Variants in SGCZ observed in about 807,000 individuals in gnomAD.
SGCZ encodes sarcoglycan zeta.
A neutral mutation model predicts 41.3 loss-of-function variants in SGCZ; 40 were observed. The ratio of observed to expected loss-of-function variants is 0.97; its 90% CI spans 0.75 to 1.26. The LOEUF (loss-of-function observed/expected upper bound fraction) is 1.26, where lower values mean the gene tolerates loss of function less well. Among genes scored for constraint, SGCZ ranks in the 50% most tolerant of loss-of-function variants. The pLI is 0.00. For synonymous variants in SGCZ, 206 were observed against 137.5 expected, an observed-to-expected ratio of 1.50 and a Z score of -3.49; for missense variants, 552 against 369.8, an observed-to-expected ratio of 1.49 and a Z score of -4.04.
chr8:15,170,759 C>T (rs1438521299), intron 1 of SGCZ, among the ~76,000 whole-genome samples: 1 of 152,072 alleles, frequency 6.6e-6, no homozygotes, highest in Non-Finnish European at 1.5e-5. Flanking sequence ...TACAAGGGAT[C>T]CATATTACAT....
At chr8:14,795,796 G>C (rs371522992) in intron 1 of SGCZ, among the ~76,000 whole-genome samples, 2 of 152,058 alleles carry the variant, frequency 1.3e-5, no homozygotes, top group African/African-American at 4.8e-5. Context: ...GTACCCATTA[G>C]TTATTTTTCC....
chr8:14,428,153 C>T (rs940043734), intron 2 of SGCZ, among the ~76,000 whole-genome samples: 27 of 150,890 alleles, frequency 1.8e-4, no homozygotes, highest in East Asian at 1.9e-4. Context: ...TATATATACA[C>T]ACACACACAC....
intron 1 of SGCZ, among the ~76,000 whole-genome samples, chr8:15,190,584 G>A (rs1484711943): frequency 6.6e-6 from 1 of 152,038 alleles, no homozygotes; most frequent in Non-Finnish European, 1.5e-5. Flanking sequence ...CAGCACGAAA[G>A]AATGGTGCAA....
intron 2 of SGCZ, among the ~76,000 whole-genome samples, chr8:14,403,414 T>C (rs942907808): frequency 3.8e-4 from 57 of 151,680 alleles, no homozygotes; most frequent in South Asian, 1.9e-3. Flanking sequence ...CAGTATGATA[T>C]TGGCTGTGGG....
chr8:14,405,219 T>C (rs1049720070), intron 2 of SGCZ, among the ~76,000 whole-genome samples: 1 of 152,224 alleles, frequency 6.6e-6, no homozygotes, highest in East Asian at 1.9e-4. Flanking sequence ...TTGAAATATA[T>C]GACATAGATT....
At position 15,127,666 on chromosome 8, in the gene SGCZ, A is replaced by G. The variant is rs186094485; in HGVS notation, c.39+109919T>C. Among the ~76,000 whole-genome samples the G allele has an allele frequency of 1.4e-4, 21 of 152,336 alleles. No individual in the cohort carries two copies. The East Asian group carries it at 3.3e-3, about 24-fold the overall frequency. ...TTGGATATTTTTTCAATTTTAAAGT[A>G]ACTTAAGGAAAGTAAATGGTAAACC... On this transcript the variant is annotated intron_variant, in intron 1 of 7. Coordinates refer to ENST00000382080, the MANE Select transcript of SGCZ (RefSeq NM_139167.4).
intron 1 of SGCZ, among the ~76,000 whole-genome samples, chr8:15,217,842 C>G (rs1278147809): frequency 1.3e-5 from 2 of 152,110 alleles, no homozygotes; most frequent in Non-Finnish European, 2.9e-5. Context: ...AATCCCAGCA[C>G]TTTGGGAGGC....
intron 1 of SGCZ, among the ~76,000 whole-genome samples, chr8:14,708,948 A>G (rs138513900): frequency 0.015 from 2,288 of 152,162 alleles, 29 homozygotes; most frequent in South Asian, 0.067. Context: ...AGTTTCTAAG[A>G]AAAGAAATTT....
intron 2 of SGCZ, among the ~76,000 whole-genome samples, chr8:14,417,945 T>C (rs1799540847): frequency 6.6e-6 from 1 of 151,908 alleles, no homozygotes; most frequent in South Asian, 2.1e-4. Context: ...CATATTTTTA[T>C]CATGAATGTC....
At chr8:14,589,320 T>C (rs1175781035) in intron 1 of SGCZ, among the ~76,000 whole-genome samples, 1 of 146,110 alleles carries the variant, frequency 6.8e-6, no homozygotes, top group East Asian at 2.0e-4. Context: ...CACTCCAGCC[T>C]GGATGACAGA....
chr8:14,824,180 C>A (rs7826089), intron 1 of SGCZ, among the ~76,000 whole-genome samples: 3 of 151,774 alleles, frequency 2.0e-5, no homozygotes, highest in African/African-American at 7.3e-5. Flanking sequence ...TGGCATTCCA[C>A]TGCACAGTAG....
chr8:15,054,507 C>T (rs1022927496), intron 1 of SGCZ, among the ~76,000 whole-genome samples: 1 of 152,164 alleles, frequency 6.6e-6, no homozygotes, highest in Non-Finnish European at 1.5e-5. Flanking sequence ...GGGAAGACAA[C>T]CTGCCTATTT....
At chr8:14,477,355 G>C (rs1030694468) in intron 2 of SGCZ, among the ~76,000 whole-genome samples, 1 of 152,008 alleles carries the variant, frequency 6.6e-6, no homozygotes, top group African/African-American at 2.4e-5. Context: ...GATTTTATGA[G>C]CTCATTAATG....
chr8:14,202,248 C>G (rs1805478371), intron 4 of SGCZ, among the ~76,000 whole-genome samples: 1 of 152,126 alleles, frequency 6.6e-6, no homozygotes, highest in Non-Finnish European at 1.5e-5. Context: ...AGTCACGGGC[C>G]AAGGGGTAAA....
At chr8:14,581,655 A>T (rs1804893051) in intron 1 of SGCZ, among the ~76,000 whole-genome samples, 1 of 152,122 alleles carries the variant, frequency 6.6e-6, no homozygotes, top group African/African-American at 2.4e-5. Context: ...AGAAAGCATC[A>T]CCAAGAGTTA....
intron 2 of SGCZ, among the ~76,000 whole-genome samples, chr8:14,438,968 T>C (rs1423159438): frequency 6.6e-6 from 1 of 152,032 alleles, no homozygotes; most frequent in Non-Finnish European, 1.5e-5. Context: ...AAATAATTTT[T>C]GTAAATCTTT....
chr8:14,391,416 T>C (rs567702036), intron 2 of SGCZ, among the ~76,000 whole-genome samples: 1 of 152,280 alleles, frequency 6.6e-6, no homozygotes, highest in South Asian at 2.1e-4. Flanking sequence ...CTATGTTGTA[T>C]ACCTATATAC....
intron 1 of SGCZ, among the ~76,000 whole-genome samples, chr8:14,957,227 C>G (rs1800821133): frequency 6.6e-6 from 1 of 152,020 alleles, no homozygotes; most frequent in South Asian, 2.1e-4. Context: ...TGATATTGTT[C>G]AGTAGAATGA....
intron 1 of SGCZ, among the ~76,000 whole-genome samples, chr8:14,820,587 G>A (rs1179924231): frequency 6.6e-6 from 1 of 152,036 alleles, no homozygotes; most frequent in African/African-American, 2.4e-5. Flanking sequence ...TAGATTACAT[G>A]TTAGATCACA....
Sources: gnomAD v4.1 joint callset for allele counts (sites outside exome capture counted in the v4.1 genomes callset) on GRCh38, gnomAD v4.1.1 for gene constraint, MANE v1.5 for transcripts, NCBI Gene and HGNC (gene_info 2026-07-23, HGNC 2026-07-21) for gene names.